The following IQCE variants were observed in gnomAD, a reference collection of about 807,000 sequenced individuals.
The protein encoded by IQCE is IQ motif containing E.
IQCE carries 115 observed loss-of-function variants against 96.0 expected under a neutral mutation model. That is an observed-to-expected ratio of 1.20 (90% CI 1.03 to 1.40). IQCE has a LOEUF of 1.40. IQCE is among the 40% of genes most tolerant of loss of function. The pLI is 0.00. For synonymous variants in IQCE, 412 were observed against 371.2 expected, an observed-to-expected ratio of 1.11 and a Z score of -1.26; for missense variants, 1,041 against 909.1, an observed-to-expected ratio of 1.15 and a Z score of -1.87.
At position 2,610,131 on chromosome 7, in the gene IQCE, C is replaced by A; in HGVS notation, c.2057C>A (p.Pro686Gln). The A allele has an allele frequency of 6.2e-7, 1 of 1,611,522 alleles. No homozygotes were observed. Among genetic ancestry groups the A allele is most frequent in the Non-Finnish European group, 8.5e-7 (1 of 1,177,640 alleles). ...GATTCCGACGATATTGTCATTGCAC[C>A]GTCTCTGCCCACGAAGAACTTTCCA... is the stretch of plus-strand genomic sequence containing the variant. ...SDDSDDIVIA[P>Q]SLPTKNFPV The change falls in exon 22 of 22, where the codon CCG becomes CAG. Residue 686 changes from proline to glutamine, a missense_variant. Physicochemically the swap from Pro to Gln is moderately conservative, Grantham distance 76 (BLOSUM62 -1). Transcript: ENST00000402050.
Position 2,610,217 on chromosome 7 carries a change from C to A in IQCE, c.*55C>A. On this transcript the variant is annotated 3_prime_UTR_variant, in exon 22 of 22. Coordinates refer to ENST00000402050, the MANE Select transcript of IQCE (RefSeq NM_152558.5). Reference sequence around the variant, plus strand: ...GCAGCGCTGCCGAGGACATAGGAACCACGACTGGAAAGATAATTTATCGTG... The same window carrying A: ...GCAGCGCTGCCGAGGACATAGGAACAACGACTGGAAAGATAATTTATCGTG... 2.0e-6 allele frequency: 2 copies of A among 1,002,708 alleles called. No homozygotes were observed. The highest frequency in any genetic ancestry group is 3.2e-6 in the Non-Finnish European group (2 of 622,206). 62.1% of individuals were successfully genotyped at this position (1,002,708 alleles called of 1,614,324 possible). A position where few individuals can be genotyped will look rare whatever the true frequency, so the allele number is the denominator to read the frequency against.
chr7:2,567,064 C>T (rs1217837781), intron 1 of IQCE, 52 bp from the exon 2 acceptor site: 30 of 1,515,102 alleles, frequency 2.0e-5, no homozygotes, highest in Admixed American at 5.0e-5. Context: ...ACGTGATGGT[C>T]GGAAGCCCAG....
chr7:2,568,821 CCTT>C (rs1583397929), intron 2 of IQCE, 130 bp from the exon 3 acceptor site: 1 of 772,094 alleles, frequency 1.3e-6, no homozygotes, highest in South Asian at 1.6e-5. Context: ...CCTGGACCCT[CCTT>C]ACGTCCCCGT....
At chr7:2,597,591 C>T (rs952253300) in intron 16 of IQCE, among the ~76,000 whole-genome samples, 6 of 152,254 alleles carry the variant, frequency 3.9e-5, no homozygotes, top group Admixed American at 6.5e-5. Flanking sequence ...ATTCTTGACA[C>T]GAGAGGCCTT....
intron 13 of IQCE, 75 bp from the exon 14 acceptor site, chr7:2,589,832 G>T: frequency 3.4e-6 from 5 of 1,457,844 alleles, no homozygotes; most frequent in Non-Finnish European, 4.8e-6. Flanking sequence ...CTGGTTCAGT[G>T]TCTCTTTTCT....
rs1422853069 is a variant in IQCE at position 2,582,107 on chromosome 7, T to C, written c.631-473T>C. The C allele has an allele frequency of 1.5e-5, 7 of 467,392 alleles. No homozygotes were observed. In the Admixed American group the frequency reaches 1.7e-4, roughly 11 times the overall value. The allele number at this position is 467,392 out of a possible 1,614,324, so 29.0% of individuals were successfully genotyped here. On this transcript the variant is annotated intron_variant, in intron 8 of 21. Coordinates refer to ENST00000402050, the MANE Select transcript of IQCE (RefSeq NM_152558.5). ...GGAGGCCGCTGGAGCTGTTCTCCCT[T>C]CCCCAAATAGAGGGGAGTGGCTCCT...
At chr7:2,560,955 CAAA>C (rs746886884) in intron 1 of IQCE, among the ~76,000 whole-genome samples, 8 of 58,782 alleles carry the variant, frequency 1.4e-4, no homozygotes, top group African/African-American at 2.6e-4. Context: ...GACTCTGTCT[CAAA>C]AAAAAAAAAA....
chr7:2,608,694 C>G (rs568543033), intron 21 of IQCE, among the ~76,000 whole-genome samples: 43 of 152,334 alleles, frequency 2.8e-4, no homozygotes, highest in African/African-American at 1.0e-3. Context: ...AGGCTTTGAT[C>G]AGGGCTAAAG....
At chr7:2,568,642 G>A (rs1445761124) in intron 2 of IQCE, among the ~76,000 whole-genome samples, 4 of 152,226 alleles carry the variant, frequency 2.6e-5, no homozygotes, top group African/African-American at 9.6e-5. Context: ...CTGTGCGGGC[G>A]GTTTGGGTGG....
At chr7:2,598,701 C>G in intron 17 of IQCE, 69 bp downstream of exon 17, 2 of 1,368,124 alleles carry the variant, frequency 1.5e-6, no homozygotes, top group Non-Finnish European at 1.9e-6. Flanking sequence ...GCCACTCACT[C>G]TCCAGGAATG....
chr7:2,568,104 C>T (rs1026111377), intron 2 of IQCE, among the ~76,000 whole-genome samples: 1 of 152,154 alleles, frequency 6.6e-6, no homozygotes, highest in East Asian at 1.9e-4. Context: ...CACGGCACGA[C>T]GGGTTGTGTG....
chr7:2,607,939 G>A (rs895178403), intron 21 of IQCE, among the ~76,000 whole-genome samples: 18 of 152,338 alleles, frequency 1.2e-4, no homozygotes, highest in East Asian at 7.7e-4. Flanking sequence ...GGAGTGTGGC[G>A]TGCGGGGCTG....
chr7:2,605,712 A>C (rs1253489370), intron 19 of IQCE, among the ~76,000 whole-genome samples, 164 bp from the exon 20 acceptor site: 2 of 152,228 alleles, frequency 1.3e-5, no homozygotes, highest in Admixed American at 1.3e-4. Context: ...ACCTGCCACC[A>C]GGAGGCTGTT....
Position 2,588,358 on chromosome 7 carries a change from T to G in IQCE, c.1044+481T>G, listed in dbSNP as rs140532170. Among the ~76,000 whole-genome samples the G allele has an allele frequency of 1.1e-3, 163 of 152,038 alleles. No individual in the cohort carries two copies. The South Asian group carries it at 0.017, about 16-fold the overall frequency. ...TTGTTTTGTTTTTGTTTTTGTTTTT[T>G]TTTTCTTTTTTTTTGAGATGGAGTC... On this transcript the variant is annotated intron_variant, in intron 13 of 21. Transcript: ENST00000402050.
chr7:2,593,225 C>A (rs1338250210), intron 15 of IQCE, 99 bp downstream of exon 15: 19 of 1,475,294 alleles, frequency 1.3e-5, no homozygotes, highest in Non-Finnish European at 1.5e-5. Flanking sequence ...TGCCAGCCGG[C>A]TTCTTAGAAA....
chr7:2,559,782 G>GGGGGGGGGCCCC (rs2128422706), intron 1 of IQCE, among the ~76,000 whole-genome samples: 1 of 50,374 alleles, frequency 2.0e-5, no homozygotes, highest in Admixed American at 2.4e-4. Flanking sequence ...GGGGGGGGGG[G>GGGGGGGGGCCCC]CGGAGGGACA....
intron 8 of IQCE, among the ~76,000 whole-genome samples, 157 bp downstream of exon 8, chr7:2,578,683 A>T (rs932958916): frequency 3.3e-5 from 5 of 152,120 alleles, no homozygotes; most frequent in African/African-American, 4.8e-5. Context: ...ACACCTGGGG[A>T]CACCACGGGG....
intron 1 of IQCE, among the ~76,000 whole-genome samples, chr7:2,564,972 C>A (rs1781252271): frequency 6.6e-6 from 1 of 152,212 alleles, no homozygotes; most frequent in Non-Finnish European, 1.5e-5. Context: ...TCTTCTGTTA[C>A]AACCACCCTG....
chr7:2,579,147 T>C (rs1782454150), intron 8 of IQCE, among the ~76,000 whole-genome samples: 1 of 151,642 alleles, frequency 6.6e-6, no homozygotes, highest in South Asian at 2.1e-4. Context: ...TGACAATATG[T>C]AAGAAGTTGA....
Sources: allele counts gnomAD v4.1 joint callset (sites outside exome capture counted in the v4.1 genomes callset), GRCh38; gene constraint gnomAD v4.1.1; transcripts MANE v1.5; gene names NCBI Gene and HGNC (gene_info 2026-07-23, HGNC 2026-07-21).